DDX41: variants seen among roughly 807,000 people sequenced by gnomAD.
DDX41 encodes probable ATP-dependent RNA helicase DDX41.
Under a neutral mutation model 78.8 loss-of-function variants are expected in DDX41, and 50 were observed. The observed-to-expected ratio is 0.63, with a 90% CI of 0.51 to 0.80. The LOEUF is 0.80. Ranked by LOEUF, DDX41 falls within the 30% of genes least tolerant of loss-of-function variation. The pLI is 0.00. For missense variants in DDX41, 633 were observed against 849.2 expected (o/e 0.75, Z 3.16); for synonymous variants, 381 against 321.5 (o/e 1.19, Z -1.98).
rs1430796686 is a variant in DDX41, at chr5:177,516,907, CCT to C, written c.27+10_27+11del. 2 of 1,613,338 alleles carry C rather than the reference CCT, an allele frequency of 1.2e-6. No individual in the cohort carries two copies. The highest frequency in any genetic ancestry group is 1.7e-6 in the Non-Finnish European group (2 of 1,180,020). On this transcript the variant is annotated intron_variant, in intron 1 of 16. Transcript: ENST00000330503. ...CCGCTCCCACACGCGCGGGGTCTCG[CCT>C]CTCTCCTACCTTCCGTTCGGGTTCC...
rs143274979 is a variant in DDX41, at chr5:177,514,973, C to T, written c.741G>A (p.Glu247=). The change falls in exon 8 of 17, where the codon GAG becomes GAA. Residue 247 remains glutamate, a synonymous_variant. Coordinates refer to ENST00000330503, the MANE Select transcript of DDX41 (RefSeq NM_016222.4). This position sits in a 1 kb window ranked among gnomAD's most constrained non-coding sequence, Gnocchi z 4.2. ...CGCGCTTTGAGAAGGGTAACCTCTT[C>T]TCTTGTTCCAGGCAGAACATGATGA... The part of the protein sequence containing the change: ...LPVIMFCLEQ[E]KRLPFSKREG... 517 of 1,613,584 alleles carry T rather than the reference C, an allele frequency of 3.2e-4. No individual in the cohort carries two copies. The highest frequency in any genetic ancestry group is 3.8e-4 in the Non-Finnish European group (450 of 1,179,792).
At position 177,514,823 on chromosome 5, in the gene DDX41, C is replaced by T. The variant is rs1421617812; in HGVS notation, c.813G>A (p.Arg271=). 1.2e-6 allele frequency: 2 copies of T among 1,611,806 alleles called. No individual in the cohort carries two copies. Among genetic ancestry groups the T allele is most frequent in the Non-Finnish European group, 8.5e-7 (1 of 1,179,062 alleles). The change falls in exon 9 of 17, where the codon CGG becomes CGA. Residue 271 remains arginine, a synonymous_variant. Coordinates refer to ENST00000330503, the MANE Select transcript of DDX41 (RefSeq NM_016222.4). This position sits in a 1 kb window ranked among gnomAD's most constrained non-coding sequence, Gnocchi z 4.2. ...AGTACTCCAGGATGCCATGGGTCTG[C>T]CGGGCCAGCTCCCGCTGCAGGCAGA... is the stretch of plus-strand genomic sequence containing the variant. The part of the protein sequence containing the change: ...LIICPSRELA[R]QTHGILEYYC...
chr5:177,516,736 G>T lies in DDX41; in HGVS notation c.127C>A (p.Arg43=). The stretch of plus-strand genomic sequence containing the variant: ...CGCGTGCCCCTCACCAGTAGCTGCC[G>T]GCGCTGCCGTAACGGCACATAGGGC... ...YVPYVPLRQR[R]QLLLQKLLQR... Residue 43 remains arginine, a synonymous_variant, in exon 2 of 17, where the codon CGG becomes AGG. Coordinates refer to ENST00000330503, the MANE Select transcript of DDX41 (RefSeq NM_016222.4). 6.2e-7 allele frequency: 1 copy of T among 1,603,742 alleles called. No individual in the cohort carries two copies. The highest frequency in any genetic ancestry group is 8.5e-7 in the Non-Finnish European group (1 of 1,175,850).
intron 3 of DDX41, 43 bp downstream of exon 3, chr5:177,516,245 C>A (rs773909628): frequency 1.2e-6 from 2 of 1,614,052 alleles, no homozygotes; most frequent in Non-Finnish European, 1.7e-6. Context: ...GTGTACCAGG[C>A]TCAGCTTCTT....
At chr5:177,515,638 G>T (rs1162203396) in intron 6 of DDX41, 47 bp downstream of exon 6, 2 of 1,605,864 alleles carry the variant, frequency 1.2e-6, no homozygotes, top group Admixed American at 1.7e-5. Context: ...TAACCTCACA[G>T]GCATTTGATT....
rs375840095 is a variant in DDX41, at chr5:177,513,673, C to T, written c.1098+12G>A. The T allele has an allele frequency of 1.4e-5, 22 of 1,612,476 alleles. No individual in the cohort carries two copies. Among genetic ancestry groups the T allele is most frequent in the South Asian group, 2.2e-5 (2 of 91,072 alleles). ...GGCGGTGCAGGGTGCCCTGGCCGGG[C>T]GGGGGCGGCACCTTGAAGTAGGAGA... On this transcript the variant is annotated intron_variant, in intron 10 of 16. Coordinates refer to ENST00000330503, the MANE Select transcript of DDX41 (RefSeq NM_016222.4). The surrounding 1 kb of genome is among the most constrained non-coding windows in gnomAD (Gnocchi z 4.6).
chr5:177,513,667 G>A lies in DDX41; in HGVS notation c.1098+18C>T, dbSNP rs763768294. The A allele has an allele frequency of 1.9e-6, 3 of 1,612,752 alleles. No individual in the cohort carries two copies. Among genetic ancestry groups the A allele is most frequent in the Non-Finnish European group, 1.7e-6 (2 of 1,179,780 alleles). On this transcript the variant is annotated intron_variant, in intron 10 of 16. Transcript: ENST00000330503. This position sits in a 1 kb window ranked among gnomAD's most constrained non-coding sequence, Gnocchi z 4.6. ...GTGGGGGGCGGTGCAGGGTGCCCTG[G>A]CCGGGCGGGGGCGGCACCTTGAAGT...
chr5:177,515,065 A>G lies in DDX41; in HGVS notation c.649T>C (p.Ser217Pro), dbSNP rs376867329. 1.2e-5 allele frequency: 20 copies of G among 1,612,596 alleles called. No individual in the cohort carries two copies. The highest frequency in any genetic ancestry group is 1.7e-5 in the Non-Finnish European group (20 of 1,178,822). ...GCGATGCCTATCATGTCACGGCCAG[A>G]TAGACTGTTGGGAGAGGATGACCCG... The part of the protein sequence containing the change: ...IQIQGIPTIL[S>P]GRDMIGIAFT... The change falls in exon 8 of 17, where the codon TCT becomes CCT. Residue 217 changes from serine to proline, a missense_variant. Ser to Pro is a moderately conservative substitution (Grantham distance 74). This residue lies in a region of DDX41 where 126 missense variants were observed against 115.5 expected (regional missense o/e 1.09). Transcript: ENST00000330503.
At chr5:177,516,692 G>C (rs557073330) in intron 2 of DDX41, 33 bp downstream of exon 2, 7 of 1,556,352 alleles carry the variant, frequency 4.5e-6, no homozygotes, top group Non-Finnish European at 8.7e-7. Context: ...CCGCGGTCAC[G>C]GCCCCATCCC....
rs937006672 is a variant in DDX41 at position 177,511,728 on chromosome 5, A to G, written c.*63T>C. ...CTGATTCTGTCCAGGGGGCTGCTGT[A>G]TGTGTAGACTGGTGGCAGTCTTGGG... On this transcript the variant is annotated 3_prime_UTR_variant, in exon 17 of 17. Coordinates refer to ENST00000330503, the MANE Select transcript of DDX41 (RefSeq NM_016222.4). The G allele has an allele frequency of 1.3e-5, 21 of 1,599,878 alleles. No individual in the cohort carries two copies. The African/African-American group carries it at 2.0e-4, about 15-fold the overall frequency.
rs780643002 is a variant in DDX41, at chr5:177,516,808, C to G, written c.55G>C (p.Gly19Arg). The change falls in exon 2 of 17, where the codon GGA becomes CGA. Residue 19 changes from glycine (G) to arginine (R), a missense_variant. Transcript: ENST00000330503. ...TCTTCCGCCTCGGAGCGGCTTCCTC[C>G]GGCAGGCACCTCGTCGGTGCGAGCC... ...KRARTDEVPA[G>R]GSRSEAEDED... 2 of 1,612,416 alleles carry G rather than the reference C, an allele frequency of 1.2e-6. No individual in the cohort carries two copies. Among genetic ancestry groups the G allele is most frequent in the African/African-American group, 2.7e-5 (2 of 74,934 alleles).
Position 177,511,888 on chromosome 5 carries a change from C to T in DDX41, c.1772G>A (p.Arg591Gln), listed in dbSNP as rs1395944669. ...GCAFCGGLGH[R>Q]ITDCPKLEAM... ...CTCGAGTTTGGGGCAGTCAGTGATC[C>T]GATGACCCAGGCCCCCGCAGAAGGC... The change falls in exon 17 of 17, where the codon CGG becomes CAG. Residue 591 changes from arginine to glutamine, a missense_variant. By Grantham distance (43) the Arg-to-Gln change is conservative (BLOSUM62 1). Transcript: ENST00000330503. 6.2e-7 allele frequency: 1 copy of T among 1,614,088 alleles called. No homozygotes were observed. Among genetic ancestry groups the T allele is most frequent in the Non-Finnish European group, 8.5e-7 (1 of 1,180,036 alleles).
Position 177,515,263 on chromosome 5 carries a change from G to A in DDX41, c.572-5C>T, listed in dbSNP as rs773536438. 1 of 1,613,990 alleles carries A rather than the reference G, an allele frequency of 6.2e-7. No homozygotes were observed. On this transcript the variant is annotated splice_polypyrimidine_tract_variant and splice_region_variant and intron_variant, in intron 6 of 16. Coordinates refer to ENST00000330503, the MANE Select transcript of DDX41 (RefSeq NM_016222.4). ...TCTTCAGGCCTCTCAGGATGGCTAT[G>A]AAAACCAACCGACATCGTCTTCATG...
intron 6 of DDX41, 74 bp from the exon 7 acceptor site, chr5:177,515,332 C>T (rs1229243364): frequency 7.1e-7 from 1 of 1,415,284 alleles, no homozygotes; most frequent in South Asian, 1.2e-5. Flanking sequence ...GTAAAACTGG[C>T]ACTACCCCTA....
chr5:177,512,745 A>G (rs766606127), intron 13 of DDX41, 35 bp downstream of exon 13: 3 of 1,613,298 alleles, frequency 1.9e-6, no homozygotes, highest in Non-Finnish European at 2.5e-6. Flanking sequence ...CTGCTACTGC[A>G]GCAGGGTCCA....
chr5:177,514,231 T>A lies in DDX41; in HGVS notation c.936-384A>T, dbSNP rs1321711950. On this transcript the variant is annotated intron_variant, in intron 9 of 16. Coordinates refer to ENST00000330503, the MANE Select transcript of DDX41 (RefSeq NM_016222.4). The surrounding 1 kb of genome is among the most constrained non-coding windows in gnomAD (Gnocchi z 4.2). Reference sequence around the variant, plus strand: ...GGCCTCCGGGATGGGGTCTGGCCCATCTGTGAACAGAGGGCCTGGTCCAGG... The same window carrying A: ...GGCCTCCGGGATGGGGTCTGGCCCAACTGTGAACAGAGGGCCTGGTCCAGG... 10 of 490,504 alleles carry A rather than the reference T, an allele frequency of 2.0e-5. No individual in the cohort carries two copies. The highest frequency in any genetic ancestry group is 4.0e-5 in the Non-Finnish European group (10 of 250,324). 30.4% of individuals were successfully genotyped at this position (490,504 alleles called of 1,614,324 possible).
rs1761039131 is a variant in DDX41, at chr5:177,512,870, T to C, written c.1309A>G (p.Ile437Val). The C allele has an allele frequency of 4.3e-6, 7 of 1,613,852 alleles. No individual in the cohort carries two copies. Among genetic ancestry groups the C allele is most frequent in the East Asian group, 2.2e-5 (1 of 44,898 alleles). The change falls in exon 13 of 17, where the codon ATC becomes GTC. Residue 437 changes from isoleucine to valine, a missense_variant. Coordinates refer to ENST00000330503, the MANE Select transcript of DDX41 (RefSeq NM_016222.4). ...ACGTCTGCCTTCTTCTCTGCAAAGA[T>C]GAGTACCTGTCCGGAAAGACCAACT... ...CLQKTPPPVLIFAEKKADVDA... is the reference protein window; with the variant it reads ...CLQKTPPPVLVFAEKKADVDA...
rs1761034190 is a variant in DDX41, at chr5:177,512,767, G to A, written c.1399+13C>T. 6.2e-7 allele frequency: 1 copy of A among 1,613,774 alleles called. No individual in the cohort carries two copies. Among genetic ancestry groups the A allele is most frequent in the South Asian group, 1.1e-5 (1 of 91,082 alleles). On this transcript the variant is annotated intron_variant, in intron 13 of 16. Transcript: ENST00000330503. ...TGCAGCAGGGTCCAAGCCAGTGCTT[G>A]CACCACCCTGACCTTTGCCCCCATG...
chr5:177,511,666 C>G lies in DDX41; in HGVS notation c.*125G>C, dbSNP rs763863044. 3.2e-5 allele frequency: 42 copies of G among 1,333,210 alleles called. No individual in the cohort carries two copies. Among genetic ancestry groups the G allele is most frequent in the Non-Finnish European group, 3.9e-5 (37 of 957,178 alleles). The allele number at this position is 1,333,210 out of a possible 1,614,324, so 82.6% of individuals were successfully genotyped here. A position where few individuals can be genotyped will look rare whatever the true frequency, so the allele number is the denominator to read the frequency against. ...GAGCACAGGGAACAGGCAGCCAGGA[C>G]CAGCCTGGCCCATCCCAGGCCAGCT... On this transcript the variant is annotated 3_prime_UTR_variant, in exon 17 of 17. Coordinates refer to ENST00000330503, the MANE Select transcript of DDX41 (RefSeq NM_016222.4).
Sources: allele counts gnomAD v4.1 joint callset, GRCh38; gene constraint gnomAD v4.1.1; regional missense constraint gnomAD v4.1.1; non-coding constraint Gnocchi (gnomAD v3.1); transcripts MANE v1.5; gene names NCBI Gene and HGNC (gene_info 2026-07-23, HGNC 2026-07-21).